EBF2: variants seen among roughly 807,000 people sequenced by gnomAD.
The protein encoded by EBF2 is EBF transcription factor 2, also known as transcription factor COE2.
EBF2 carries 21 observed loss-of-function variants against 72.8 expected under a neutral mutation model. The ratio of observed to expected loss-of-function variants is 0.29; its 90% CI spans 0.20 to 0.42. The LOEUF is 0.42. Ranked by LOEUF, EBF2 falls within the 10% of genes least tolerant of loss-of-function variation. The pLI is 1.00. For missense variants in EBF2, 637 were observed against 731.2 expected, an observed-to-expected ratio of 0.87 and a Z score of 1.49; for synonymous variants, 299 against 274.2, an observed-to-expected ratio of 1.09 and a Z score of -0.89.
intron 6 of EBF2, among the ~76,000 whole-genome samples, chr8:25,935,836 G>T (rs547306735): frequency 6.6e-6 from 1 of 152,304 alleles, no homozygotes; most frequent in East Asian, 1.9e-4. Context: ...ACTGACAGTA[G>T]GAAATGCAAT....
At chr8:26,036,868 T>C (rs1475360125) in intron 5 of EBF2, among the ~76,000 whole-genome samples, 1 of 152,014 alleles carries the variant, frequency 6.6e-6, no homozygotes, top group Non-Finnish European at 1.5e-5. Context: ...ATAAGTGTTT[T>C]CTAAAACTAA....
At position 26,044,871 on chromosome 8, in the gene EBF2, G is replaced by C; in HGVS notation, c.-12C>G. On this transcript the variant is annotated 5_prime_UTR_variant, in exon 1 of 16. In the 5' UTR this introduces an upstream ATG that the reference lacks. Transcript: ENST00000520164. This position sits in a 1 kb window ranked among gnomAD's most constrained non-coding sequence, Gnocchi z 4.1. ...TGAATTCCAAACATTTAAAAAGTCT[G>C]ATCCTCTACTGTCGCTTTAAAAGTA... The C allele has an allele frequency of 6.2e-7, 1 of 1,613,640 alleles. No homozygotes were observed.
chr8:26,018,607 G>T (rs1314144069), intron 6 of EBF2, among the ~76,000 whole-genome samples: 1 of 151,654 alleles, frequency 6.6e-6, no homozygotes, highest in Non-Finnish European at 1.5e-5. Context: ...GGAGGCGGAG[G>T]TTGCAGTGAG....
intron 5 of EBF2, among the ~76,000 whole-genome samples, chr8:26,036,239 GA>G (rs539782879): frequency 1.2e-3 from 182 of 152,298 alleles, no homozygotes; most frequent in Non-Finnish European, 2.4e-3. Flanking sequence ...TGGAGGAAAA[GA>G]AAACAGATAA....
chr8:25,948,098 T>C (rs1397889373), intron 6 of EBF2, among the ~76,000 whole-genome samples: 1 of 152,194 alleles, frequency 6.6e-6, no homozygotes, highest in Non-Finnish European at 1.5e-5. Flanking sequence ...CATTCATTCA[T>C]AGAGTCATTC....
intron 6 of EBF2, among the ~76,000 whole-genome samples, chr8:25,981,288 C>A (rs981856652): frequency 6.6e-6 from 1 of 152,108 alleles, no homozygotes; most frequent in African/African-American, 2.4e-5. Context: ...CAGATTCCTG[C>A]CCCCATCCCA....
chr8:26,016,642 T>A (rs1805115597), intron 6 of EBF2, among the ~76,000 whole-genome samples: 1 of 152,136 alleles, frequency 6.6e-6, no homozygotes, highest in East Asian at 1.9e-4. Flanking sequence ...AGAATAATAA[T>A]AAAACAGGAT....
intron 10 of EBF2, among the ~76,000 whole-genome samples, chr8:25,872,076 A>G (rs1194004180): frequency 6.6e-6 from 1 of 152,178 alleles, no homozygotes; most frequent in Non-Finnish European, 1.5e-5. Flanking sequence ...GGGAGCAGAT[A>G]ATGCTTACCC....
chr8:25,940,409 G>A (rs139911588), intron 6 of EBF2, among the ~76,000 whole-genome samples: 1 of 152,216 alleles, frequency 6.6e-6, no homozygotes, highest in Non-Finnish European at 1.5e-5. Context: ...CTGGAACTCA[G>A]GGCAGACCCC....
At chr8:26,035,677 A>T (rs941773801) in intron 5 of EBF2, among the ~76,000 whole-genome samples, 11 of 152,202 alleles carry the variant, frequency 7.2e-5, no homozygotes, top group South Asian at 2.1e-4. Flanking sequence ...ATTTAATCAA[A>T]TTAGTAGGAA....
At chr8:25,913,963 A>G (rs1043387239) in intron 6 of EBF2, among the ~76,000 whole-genome samples, 2 of 152,204 alleles carry the variant, frequency 1.3e-5, no homozygotes, top group Non-Finnish European at 2.9e-5. Flanking sequence ...AAACACTCTC[A>G]TACCATTTCT....
chr8:26,006,690 C>A (rs1804887750), intron 6 of EBF2, among the ~76,000 whole-genome samples: 1 of 152,194 alleles, frequency 6.6e-6, no homozygotes, highest in Admixed American at 6.5e-5. Flanking sequence ...AGCCCACTAG[C>A]TAGGCTGATG....
chr8:25,886,958 C>A, intron 9 of EBF2, 77 bp from the exon 10 acceptor site: 2 of 1,497,322 alleles, frequency 1.3e-6, no homozygotes, highest in Non-Finnish European at 9.0e-7. Flanking sequence ...TACAACATCT[C>A]CCACTATTGC....
chr8:25,887,664 T>C (rs559242889), intron 9 of EBF2, among the ~76,000 whole-genome samples, 178 bp downstream of exon 9: 1 of 152,312 alleles, frequency 6.6e-6, no homozygotes, highest in East Asian at 1.9e-4. Context: ...CAATTCTAGA[T>C]TTCTAAGTTT....
At chr8:25,967,616 C>T (rs534817264) in intron 6 of EBF2, among the ~76,000 whole-genome samples, 1 of 152,188 alleles carries the variant, frequency 6.6e-6, no homozygotes, top group African/African-American at 2.4e-5. Context: ...CTATTGAATG[C>T]ATATCACTTT....
rs144782364 is a variant in EBF2, at chr8:25,944,528, T to G, written c.552-35973A>C. Among the ~76,000 whole-genome samples the G allele has an allele frequency of 1.8e-3, 277 of 151,056 alleles. 1 individual carries two copies. Among genetic ancestry groups the G allele is most frequent in the Middle Eastern group, 0.014 (4 of 284 alleles). The stretch of plus-strand genomic sequence containing the variant: ...AATAAATATATATTTGAAAATTGTA[T>G]AGTCTATAATATTATAGAATATATA... On this transcript the variant is annotated intron_variant, in intron 6 of 15. Coordinates refer to ENST00000520164, the MANE Select transcript of EBF2 (RefSeq NM_022659.4).
intron 6 of EBF2, among the ~76,000 whole-genome samples, chr8:25,911,797 G>T (rs1437391751): frequency 6.6e-6 from 1 of 152,134 alleles, no homozygotes; most frequent in African/African-American, 2.4e-5. Context: ...TGGGAGTGAG[G>T]GTTTCTGAGA....
intron 6 of EBF2, among the ~76,000 whole-genome samples, chr8:26,019,331 G>T (rs966748851): frequency 6.6e-6 from 1 of 151,398 alleles, no homozygotes; most frequent in Admixed American, 6.6e-5. Flanking sequence ...GCATCCCCAA[G>T]AAGCAGGTCT....
intron 1 of EBF2, among the ~76,000 whole-genome samples, chr8:26,042,741 A>G (rs1431374967): frequency 2.0e-5 from 3 of 152,106 alleles, no homozygotes; most frequent in Admixed American, 1.3e-4. Context: ...TATTAATTCG[A>G]GTTATCAGTC....
Sources: gnomAD v4.1 joint callset for allele counts (sites outside exome capture counted in the v4.1 genomes callset) on GRCh38, gnomAD v4.1.1 for gene constraint, Gnocchi (gnomAD v3.1) non-coding constraint, MANE v1.5 for transcripts, NCBI Gene and HGNC (gene_info 2026-07-23, HGNC 2026-07-21) for gene names.